SERINC1: variants seen among roughly 807,000 people sequenced by gnomAD.
SERINC1 encodes serine incorporator 1.
In SERINC1, 38 loss-of-function variants were observed where a neutral mutation model predicts 52.9. The ratio of observed to expected loss-of-function variants is 0.72; its 90% CI spans 0.55 to 0.94. SERINC1 has a LOEUF of 0.94. Among genes scored for constraint, SERINC1 ranks in the 40% least tolerant of loss-of-function variants. SERINC1 has a pLI of 0.00. For synonymous variants in SERINC1, 198 were observed against 183.1 expected, an observed-to-expected ratio of 1.08 and a Z score of -0.66; for missense variants, 471 against 533.9, an observed-to-expected ratio of 0.88 and a Z score of 1.16.
intron 1 of SERINC1, among the ~76,000 whole-genome samples, chr6:122,468,452 A>G (rs1775222504): frequency 6.6e-6 from 1 of 152,238 alleles, no homozygotes; most frequent in Admixed American, 6.5e-5. Flanking sequence ...AACTGTGTCC[A>G]GTTGAAAATC....
At chr6:122,452,218 T>C (rs2114478834) in intron 5 of SERINC1, among the ~76,000 whole-genome samples, 161 bp from the exon 6 acceptor site, 1 of 152,294 alleles carries the variant, frequency 6.6e-6, no homozygotes, top group African/African-American at 2.4e-5. Flanking sequence ...GGAAAGAAAA[T>C]TAATTCTGAC....
intron 7 of SERINC1, 70 bp downstream of exon 7, chr6:122,451,594 C>T (rs1010608313): frequency 3.4e-6 from 2 of 592,434 alleles, no homozygotes; most frequent in East Asian, 4.0e-5. Flanking sequence ...TTTAATCTCA[C>T]AAAAAGACAA....
chr6:122,444,553 G>C lies in SERINC1; in HGVS notation c.*491C>G, dbSNP rs758543042. 6.5e-6 allele frequency: 1 copy of C among 153,604 alleles called. No individual in the cohort carries two copies. Among genetic ancestry groups the C allele is most frequent in the East Asian group, 1.9e-4 (1 of 5,208 alleles). The allele number at this position is 153,604 out of a possible 1,614,324, so 9.5% of individuals were successfully genotyped here. A position where few individuals can be genotyped will look rare whatever the true frequency, so the allele number is the denominator to read the frequency against. Reference sequence around the variant, plus strand: ...AACACTCCCTACCTGTGTAAATTCCGTATCAAGGGTAAAACCTTATAAGAT... The same window carrying C: ...AACACTCCCTACCTGTGTAAATTCCCTATCAAGGGTAAAACCTTATAAGAT... On this transcript the variant is annotated 3_prime_UTR_variant, in exon 10 of 10. Coordinates refer to ENST00000339697, the MANE Select transcript of SERINC1 (RefSeq NM_020755.4).
chr6:122,453,746 A>C, intron 5 of SERINC1, 24 bp downstream of exon 5: 1 of 1,577,006 alleles, frequency 6.3e-7, no homozygotes, highest in Non-Finnish European at 8.7e-7. Context: ...ACTATACTGA[A>C]GTTGTTCTGC....
rs1056108387 is a variant in SERINC1 at position 122,444,789 on chromosome 6, G to C, written c.*255C>G. On this transcript the variant is annotated 3_prime_UTR_variant, in exon 10 of 10. Coordinates refer to ENST00000339697, the MANE Select transcript of SERINC1 (RefSeq NM_020755.4). ...CTTCATTTCACAACTATAGAGCAGA[G>C]AATAAGCCCAATAATGGCCACTTTT... 1 of 415,028 alleles carries C rather than the reference G, an allele frequency of 2.4e-6. No homozygotes were observed. Among genetic ancestry groups the C allele is most frequent in the Non-Finnish European group, 4.3e-6 (1 of 233,436 alleles). The allele number at this position is 415,028 out of a possible 1,614,324, so 25.7% of individuals were successfully genotyped here.
intron 4 of SERINC1, 80 bp downstream of exon 4, chr6:122,454,071 C>T: frequency 8.4e-7 from 1 of 1,186,766 alleles, no homozygotes; most frequent in Non-Finnish European, 1.2e-6. Context: ...AAAAGACAAA[C>T]AATTATAGTT....
intron 5 of SERINC1, 109 bp from the exon 6 acceptor site, chr6:122,452,166 T>A: frequency 1.5e-6 from 1 of 648,238 alleles, no homozygotes; most frequent in Non-Finnish European, 2.3e-6. Flanking sequence ...AAATATATTT[T>A]AAGCAACTAA....
In SERINC1 at chr6:122,445,056, A is replaced by G. The variant is rs750046801; in HGVS notation, c.1350T>C (p.Arg450=). The G allele has an allele frequency of 6.8e-6, 11 of 1,612,900 alleles. No homozygotes were observed. In the Admixed American group the frequency reaches 1.8e-4, roughly 27 times the overall value. Reference sequence around the variant, plus strand: ...CTAGAAGTCTCACTCAGTCAAAATCACGATTTGTAAGAACAAGTGGTGCCA... The same window carrying G: ...CTAGAAGTCTCACTCAGTCAAAATCGCGATTTGTAAGAACAAGTGGTGCCA... ...TLVAPLVLTN[R]DFD The change falls in exon 10 of 10, where the codon CGT becomes CGC. Residue 450 remains arginine, a synonymous_variant. Transcript: ENST00000339697.
In SERINC1 at chr6:122,458,692, G is replaced by T. The variant is rs181686582; in HGVS notation, c.40-11C>A. 43 of 1,545,408 alleles carry T rather than the reference G, an allele frequency of 2.8e-5. No individual in the cohort carries two copies. In the African/African-American group the frequency reaches 5.5e-4, roughly 20 times the overall value. On this transcript the variant is annotated splice_polypyrimidine_tract_variant and intron_variant, in intron 1 of 9. Transcript: ENST00000339697. Reference sequence around the variant, plus strand: ...ACACAAACATGGTATCTGGGAAAAAGAATATTATTGAAAATATTATTAAGA... The same window carrying T: ...ACACAAACATGGTATCTGGGAAAAATAATATTATTGAAAATATTATTAAGA...
chr6:122,466,804 A>C (rs970049397), intron 1 of SERINC1, among the ~76,000 whole-genome samples: 15 of 152,258 alleles, frequency 9.9e-5, no homozygotes, highest in Non-Finnish European at 7.3e-5. Flanking sequence ...TCCAGGAAGC[A>C]TAATATGTGA....
rs758774695 is a variant in SERINC1 at position 122,447,214 on chromosome 6, C to T, written c.902G>A (p.Ser301Asn). ...LLSIIGYNTT[S>N]TVPKEGQSVQ... is the part of the protein sequence containing the mutation. ...TGACTGCCCTTCCTTTGGGACAGTG[C>T]TTGTTGTATTGTAGCCAATTATGCT... is the stretch of plus-strand genomic sequence containing the variant. The change falls in exon 8 of 10, where the codon AGC becomes AAC. Residue 301 changes from serine (S) to asparagine (N), a missense_variant. Physicochemically the swap from Ser to Asn is conservative, Grantham distance 46. Transcript: ENST00000339697. 7.4e-6 allele frequency: 12 copies of T among 1,612,422 alleles called. No individual in the cohort carries two copies. In the South Asian group the frequency reaches 1.3e-4, roughly 18 times the overall value.
Position 122,445,883 on chromosome 6 carries a change from C to CAAAAAAAAAAAAAAAAAAA in SERINC1, c.1227-705_1227-704insTTTTTTTTTTTTTTTTTTT, listed in dbSNP as rs71018202. 5.1e-4 allele frequency among the ~76,000 whole-genome samples: 32 copies of CAAAAAAAAAAAAAAAAAAA among 62,798 alleles called. 1 individual carries two copies. Among genetic ancestry groups the CAAAAAAAAAAAAAAAAAAA allele is most frequent in the African/African-American group, 9.9e-4 (15 of 15,204 alleles). The allele number at this position is 62,798 out of a possible 152,430, so 41.2% of individuals were successfully genotyped here. A position where few individuals can be genotyped will look rare whatever the true frequency, so the allele number is the denominator to read the frequency against. ...TGGGTGACAGAGCAAGACTCCATTT[C>CAAAAAAAAAAAAAAAAAAA]AAAAAAAAAAAAAAAAAGAACCAGC... On this transcript the variant is annotated intron_variant, in intron 9 of 9. Coordinates refer to ENST00000339697, the MANE Select transcript of SERINC1 (RefSeq NM_020755.4).
Position 122,454,208 on chromosome 6 carries a change from C to T in SERINC1, c.394G>A (p.Ala132Thr), listed in dbSNP as rs1277818722. 6 of 1,582,890 alleles carry T rather than the reference C, an allele frequency of 3.8e-6. No homozygotes were observed. Among genetic ancestry groups the T allele is most frequent in the Non-Finnish European group, 4.3e-6 (5 of 1,164,134 alleles). The change falls in exon 4 of 10, where the codon GCA becomes ACA. Residue 132 changes from alanine to threonine, a missense_variant. Physicochemically the swap from Ala to Thr is moderately conservative, Grantham distance 58. Transcript: ENST00000339697. ...GCCCCAATAATAATTGCAATTGCTG[C>T]AGCAAATTTAAAGAACCAAAATCTA... The part of the protein sequence containing the change: ...HNGFWFFKFA[A>T]AIAIIIGAFF...
At chr6:122,470,546 A>C (rs1363925370) in intron 1 of SERINC1, among the ~76,000 whole-genome samples, 3 of 152,224 alleles carry the variant, frequency 2.0e-5, no homozygotes, top group East Asian at 3.8e-4. Flanking sequence ...TATAAAAGTC[A>C]ATAATTAAAC....
chr6:122,447,923 G>T (rs1200847823), intron 7 of SERINC1, among the ~76,000 whole-genome samples: 1 of 151,998 alleles, frequency 6.6e-6, no homozygotes. Flanking sequence ...AGATCATCCT[G>T]GCCAACATGG....
At chr6:122,449,883 G>A (rs902322448) in intron 7 of SERINC1, among the ~76,000 whole-genome samples, 2 of 152,246 alleles carry the variant, frequency 1.3e-5, no homozygotes, top group South Asian at 2.1e-4. Context: ...GGGTGTGGTG[G>A]CGCAGGCCTG....
intron 6 of SERINC1, 47 bp from the exon 7 acceptor site, chr6:122,451,801 ACAGG>A: frequency 1.6e-6 from 1 of 618,442 alleles, no homozygotes; most frequent in Non-Finnish European, 2.4e-6. Flanking sequence ...ATATAGCAAC[ACAGG>A]TAAATAGTCT....
rs71018202 is a variant in SERINC1, at chr6:122,445,883, C to CAAAAAAAAAAAAAAAAAA, written c.1227-705_1227-704insTTTTTTTTTTTTTTTTTT. ...TGGGTGACAGAGCAAGACTCCATTTCAAAAAAAAAAAAAAAAAGAACCAGC... is the reference window on the plus strand; with the variant it reads ...TGGGTGACAGAGCAAGACTCCATTTCAAAAAAAAAAAAAAAAAAAAAAAAAAAAAAAAAAAGAACCAGC... On this transcript the variant is annotated intron_variant, in intron 9 of 9. Transcript: ENST00000339697. Among the ~76,000 whole-genome samples, 71 of 62,788 alleles carry CAAAAAAAAAAAAAAAAAA rather than the reference C, an allele frequency of 1.1e-3. 7 individuals carry two copies. The highest frequency in any genetic ancestry group is 3.4e-3 in the African/African-American group (51 of 15,190). 41.2% of individuals were successfully genotyped at this position (62,788 alleles called of 152,430 possible).
intron 1 of SERINC1, among the ~76,000 whole-genome samples, chr6:122,466,501 C>T (rs192062520): frequency 1.1e-4 from 16 of 152,134 alleles, no homozygotes; most frequent in South Asian, 2.1e-4. Flanking sequence ...CGCACCACCA[C>T]GCCTGGCTAA....
Sources: allele counts gnomAD v4.1 joint callset (sites outside exome capture counted in the v4.1 genomes callset), GRCh38; gene constraint gnomAD v4.1.1; transcripts MANE v1.5; gene names NCBI Gene and HGNC (gene_info 2026-07-23, HGNC 2026-07-21).